The following DRD2 variants were observed in gnomAD, a reference collection of about 807,000 sequenced individuals.
DRD2 encodes the protein dopamine receptor D2.
DRD2 carries 8 observed loss-of-function variants against 38.0 expected under a neutral mutation model. That is an observed-to-expected ratio of 0.21 (90% CI 0.12 to 0.38). DRD2 has a LOEUF of 0.38. Among genes scored for constraint, DRD2 ranks in the 10% least tolerant of loss-of-function variants. The probability of loss-of-function intolerance (pLI) is 1.00; values close to 1 mark genes in which losing one functional copy is unlikely to be tolerated. For missense variants in DRD2, 403 were observed against 607.7 expected, an observed-to-expected ratio of 0.66 and a Z score of 3.54; for synonymous variants, 230 against 238.6, an observed-to-expected ratio of 0.96 and a Z score of 0.33.
chr11:113,471,311 TTAGAG>T (rs1951422909), intron 1 of DRD2, among the ~76,000 whole-genome samples: 1 of 152,108 alleles, frequency 6.6e-6, no homozygotes, highest in Admixed American at 6.5e-5. Flanking sequence ...TCCAACACCA[TTAGAG>T]TAATTTAAAA....
chr11:113,429,346 G>A (rs997716118), intron 1 of DRD2, among the ~76,000 whole-genome samples: 14 of 152,212 alleles, frequency 9.2e-5, no homozygotes, highest in African/African-American at 2.4e-4. Flanking sequence ...CTGGATTCAC[G>A]CCATTCTCCT....
chr11:113,417,985 G>A lies in DRD2; in HGVS notation c.395+42C>T, dbSNP rs200503273. 1.3e-4 allele frequency: 198 copies of A among 1,545,750 alleles called. 1 individual carries two copies. In the African/African-American group the frequency reaches 2.4e-3, roughly 19 times the overall value. ...GAGAAAAGCTGGGGCAGCCAGAATG[G>A]TGAGTGGCCAGAGCAACCTCTTCCA... On this transcript the variant is annotated intron_variant, in intron 3 of 7. Transcript: ENST00000362072.
chr11:113,425,719 A>T (rs892304581), intron 1 of DRD2, among the ~76,000 whole-genome samples: 2 of 152,100 alleles, frequency 1.3e-5, no homozygotes, highest in African/African-American at 2.4e-5. Context: ...TGGGCATCTC[A>T]TCCCACAGAA....
intron 2 of DRD2, among the ~76,000 whole-genome samples, chr11:113,421,663 T>C (rs1950885301): frequency 6.6e-6 from 1 of 152,140 alleles, no homozygotes; most frequent in Admixed American, 6.5e-5. Flanking sequence ...AGACAGATGT[T>C]GGCATGGCAT....
chr11:113,435,583 G>A (rs1470571697), intron 1 of DRD2, among the ~76,000 whole-genome samples: 1 of 152,024 alleles, frequency 6.6e-6, no homozygotes, highest in Non-Finnish European at 1.5e-5. Flanking sequence ...AATTGCCCAG[G>A]AGATCTAAAT....
chr11:113,425,080 C>A, intron 1 of DRD2: 1 of 275,036 alleles, frequency 3.6e-6, no homozygotes, highest in Non-Finnish European at 7.0e-6. Context: ...ATTTATTAAG[C>A]ATTGTTCTAT....
At chr11:113,415,108 A>G (rs1457505624) in intron 5 of DRD2, among the ~76,000 whole-genome samples, 1 of 152,062 alleles carries the variant, frequency 6.6e-6, no homozygotes, top group African/African-American at 2.4e-5. Flanking sequence ...AGACAGAGAA[A>G]CCAGAAAAGA....
intron 1 of DRD2, among the ~76,000 whole-genome samples, chr11:113,458,899 G>A (rs551929245): frequency 6.6e-6 from 1 of 152,286 alleles, no homozygotes; most frequent in South Asian, 2.1e-4. Context: ...CATGCTGGGG[G>A]CAGCGATGGG....
At chr11:113,471,977 GT>G (rs1286908133) in intron 1 of DRD2, among the ~76,000 whole-genome samples, 1 of 152,184 alleles carries the variant, frequency 6.6e-6, no homozygotes, top group Non-Finnish European at 1.5e-5. Context: ...ATGACTTAGG[GT>G]TCTGGCATTA....
At chr11:113,456,714 G>A (rs1315229753) in intron 1 of DRD2, among the ~76,000 whole-genome samples, 1 of 152,156 alleles carries the variant, frequency 6.6e-6, no homozygotes, top group Non-Finnish European at 1.5e-5. Flanking sequence ...AGAGACAGAA[G>A]GTAAAATGGT....
At chr11:113,469,418 C>T (rs75398832) in intron 1 of DRD2, among the ~76,000 whole-genome samples, 1 of 152,096 alleles carries the variant, frequency 6.6e-6, no homozygotes, top group Non-Finnish European at 1.5e-5. Context: ...TCTTCTTATC[C>T]CTATTCTCCT....
intron 1 of DRD2, among the ~76,000 whole-genome samples, chr11:113,437,893 G>A (rs1263613087): frequency 1.3e-5 from 2 of 152,200 alleles, no homozygotes; most frequent in East Asian, 1.9e-4. Context: ...CTCAGAGGAG[G>A]GGCAACATGG....
intron 2 of DRD2, among the ~76,000 whole-genome samples, chr11:113,422,514 A>C (rs1233708621): frequency 6.6e-6 from 1 of 152,200 alleles, no homozygotes; most frequent in Non-Finnish European, 1.5e-5. Flanking sequence ...AAGCGTAAGA[A>C]TTAAGAAGGC....
At chr11:113,441,461 G>A (rs972179845) in intron 1 of DRD2, among the ~76,000 whole-genome samples, 6 of 152,096 alleles carry the variant, frequency 3.9e-5, no homozygotes, top group African/African-American at 1.2e-4. Context: ...TTGAAAAACT[G>A]GCATTTTATT....
chr11:113,467,138 T>C lies in DRD2; in HGVS notation c.-32+7938A>G, dbSNP rs114766109. Among the ~76,000 whole-genome samples, 1,315 of 152,246 alleles carry C rather than the reference T, an allele frequency of 8.6e-3. 21 individuals carry two copies. The highest frequency in any genetic ancestry group is 0.029 in the African/African-American group (1,208 of 41,556). On this transcript the variant is annotated intron_variant, in intron 1 of 7. Transcript: ENST00000362072. ...GTCAACACATGTCTCTTATTGACCC[T>C]GCCATAAATGAGTGAAAGAGTTGAA...
At chr11:113,467,992 G>T (rs1013981474) in intron 1 of DRD2, among the ~76,000 whole-genome samples, 1 of 152,232 alleles carries the variant, frequency 6.6e-6, no homozygotes, top group Non-Finnish European at 1.5e-5. Flanking sequence ...CTGAATTACT[G>T]CAAAAGGACA....
intron 1 of DRD2, among the ~76,000 whole-genome samples, chr11:113,433,501 CA>C (rs1422195874): frequency 6.6e-6 from 1 of 152,116 alleles, no homozygotes; most frequent in African/African-American, 2.4e-5. Flanking sequence ...CTGTGGGAGA[CA>C]GGGGGAGGCC....
At position 113,420,011 on chromosome 11, in the gene DRD2, C is replaced by A. The variant is rs577167812; in HGVS notation, c.286-1875G>T. ...AGCTAACAGCTGGATGCCCATTTTG[C>A]GGGTGGAGGCAGGAGGGTACGTAAA... On this transcript the variant is annotated intron_variant, in intron 2 of 7. Coordinates refer to ENST00000362072, the MANE Select transcript of DRD2 (RefSeq NM_000795.4). Among the ~76,000 whole-genome samples, 13 of 152,288 alleles carry A rather than the reference C, an allele frequency of 8.5e-5. 1 individual carries two copies. In the South Asian group the frequency reaches 1.4e-3, roughly 17 times the overall value.
At chr11:113,435,336 G>A (rs947629402) in intron 1 of DRD2, among the ~76,000 whole-genome samples, 1 of 152,004 alleles carries the variant, frequency 6.6e-6, no homozygotes, top group African/African-American at 2.4e-5. Context: ...AGTGTGGGGG[G>A]GGGTGGGGGA....
Sources: gnomAD v4.1 joint callset for allele counts (sites outside exome capture counted in the v4.1 genomes callset) on GRCh38, gnomAD v4.1.1 for gene constraint, MANE v1.5 for transcripts, NCBI Gene and HGNC (gene_info 2026-07-23, HGNC 2026-07-21) for gene names.